Variants in GLG1 observed in about 807,000 individuals in gnomAD.
GLG1 encodes the protein golgi glycoprotein 1.
In GLG1, 38 loss-of-function variants were observed where a neutral mutation model predicts 160.5. The observed-to-expected ratio is 0.24, with a 90% CI of 0.18 to 0.31. GLG1 has a LOEUF of 0.31. Ranked by LOEUF, GLG1 falls within the 10% of genes least tolerant of loss-of-function variation. The probability of loss-of-function intolerance (pLI) is 1.00; values close to 1 mark genes in which losing one functional copy is unlikely to be tolerated. For missense variants in GLG1, 1,373 were observed against 1,505.2 expected (o/e 0.91, Z 1.45); for synonymous variants, 644 against 543.4 (o/e 1.19, Z -2.57).
chr16:74,600,901 G>C (rs1177667064), intron 1 of GLG1, among the ~76,000 whole-genome samples: 1 of 151,918 alleles, frequency 6.6e-6, no homozygotes, highest in Non-Finnish European at 1.5e-5. Context: ...TTATATAATC[G>C]CTTCTCGATC....
At chr16:74,588,915 G>C (rs1467696401) in intron 1 of GLG1, among the ~76,000 whole-genome samples, 1 of 151,978 alleles carries the variant, frequency 6.6e-6, no homozygotes, top group East Asian at 1.9e-4. Flanking sequence ...AAGGTTGTTA[G>C]ACCAATATCC....
chr16:74,503,508 G>T, intron 4 of GLG1, 23 bp downstream of exon 4: 2 of 1,481,364 alleles, frequency 1.4e-6, no homozygotes, highest in Non-Finnish European at 1.9e-6. Context: ...CCCCTTTGTT[G>T]AAGCTAACGT....
chr16:74,573,181 G>A (rs2018885412), intron 1 of GLG1, among the ~76,000 whole-genome samples: 1 of 152,098 alleles, frequency 6.6e-6, no homozygotes, highest in Non-Finnish European at 1.5e-5. Flanking sequence ...TAAGAATAGG[G>A]TAGAATGAAG....
chr16:74,513,824 G>A (rs577560101), intron 2 of GLG1, among the ~76,000 whole-genome samples: 41 of 152,116 alleles, frequency 2.7e-4, no homozygotes, highest in Middle Eastern at 6.8e-3. Flanking sequence ...TCAGAAGGTC[G>A]GTAATAACAA....
chr16:74,559,365 G>A (rs1482769274), intron 1 of GLG1, among the ~76,000 whole-genome samples: 1 of 151,414 alleles, frequency 6.6e-6, no homozygotes, highest in African/African-American at 2.4e-5. Context: ...GATCGTTTGA[G>A]CCCAGGAGTT....
chr16:74,540,009 A>ATATT (rs1234454215), intron 1 of GLG1, among the ~76,000 whole-genome samples: 1 of 1,050 alleles, frequency 9.5e-4, no homozygotes, highest in Admixed American at 0.026. Flanking sequence ...ATATATATAT[A>ATATT]TTTTATATAT....
Position 74,453,801 on chromosome 16 carries a change from T to C in GLG1, c.3373-467A>G, listed in dbSNP as rs2014419220. Reference sequence around the variant, plus strand: ...TATCTTTTGGTTTATGCTCTTTAAATGCGTTTGCTGCCTTTCTTTAAAAAA... The same window carrying C: ...TATCTTTTGGTTTATGCTCTTTAAACGCGTTTGCTGCCTTTCTTTAAAAAA... On this transcript the variant is annotated intron_variant, in intron 25 of 25. Coordinates refer to ENST00000422840, the MANE Select transcript of GLG1 (RefSeq NM_001145667.2). Among the ~76,000 whole-genome samples, 3 of 152,216 alleles carry C rather than the reference T, an allele frequency of 2.0e-5. No individual in the cohort carries two copies. The South Asian group carries it at 6.2e-4, about 31-fold the overall frequency.
At chr16:74,484,062 C>A (rs1268953622) in intron 9 of GLG1, among the ~76,000 whole-genome samples, 1 of 151,952 alleles carries the variant, frequency 6.6e-6, no homozygotes, top group African/African-American at 2.4e-5. Context: ...TGTAGCAGTT[C>A]TTCCTTCTTC....
chr16:74,511,114 TTAACCCAAGAA>T (rs1177040932), intron 2 of GLG1, among the ~76,000 whole-genome samples: 2 of 152,116 alleles, frequency 1.3e-5, no homozygotes, highest in African/African-American at 4.8e-5. Context: ...TGACTGAACT[TTAACCCAAGAA>T]TAACGGGGAA....
At chr16:74,547,934 T>C (rs901760747) in intron 1 of GLG1, among the ~76,000 whole-genome samples, 11 of 152,150 alleles carry the variant, frequency 7.2e-5, no homozygotes, top group African/African-American at 2.4e-4. Context: ...AAATCCAAAG[T>C]TGTTTGTTTG....
intron 3 of GLG1, among the ~76,000 whole-genome samples, chr16:74,506,598 A>AAAAAAAAAAAAAAAAAAAC (rs768101788): frequency 1.1e-4 from 16 of 144,670 alleles, no homozygotes; most frequent in African/African-American, 3.2e-4. Flanking sequence ...AAAAAAAAAA[A>AAAAAAAAAAAAAAAAAAAC]AAAAAACTCA....
intron 11 of GLG1, among the ~76,000 whole-genome samples, chr16:74,479,609 T>C (rs1395888357): frequency 6.6e-6 from 1 of 152,118 alleles, no homozygotes; most frequent in African/African-American, 2.4e-5. Context: ...TTTCTAAGGA[T>C]GGATGAGAAG....
chr16:74,458,041 CA>C, intron 23 of GLG1, 47 bp from the exon 24 acceptor site: 1 of 1,596,062 alleles, frequency 6.3e-7, no homozygotes, highest in East Asian at 2.2e-5. Flanking sequence ...AGGGGAAATG[CA>C]TCAGATCTGT....
intron 2 of GLG1, among the ~76,000 whole-genome samples, chr16:74,531,898 T>G (rs974031500): frequency 1.3e-5 from 2 of 152,196 alleles, no homozygotes; most frequent in Non-Finnish European, 2.9e-5. Context: ...TAGCTGTAAC[T>G]GAAGAAAAAC....
At chr16:74,579,788 C>T (rs528171516) in intron 1 of GLG1, among the ~76,000 whole-genome samples, 4 of 148,402 alleles carry the variant, frequency 2.7e-5, no homozygotes, top group Admixed American at 1.3e-4. Context: ...AGCATGGCCA[C>T]GCACAGTGGC....
chr16:74,472,285 T>C, intron 14 of GLG1, 64 bp downstream of exon 14: 2 of 1,065,942 alleles, frequency 1.9e-6, no homozygotes, highest in Non-Finnish European at 2.9e-6. Flanking sequence ...TCTGAGATAC[T>C]CAGGGGAGAG....
intron 21 of GLG1, 108 bp from the exon 22 acceptor site, chr16:74,462,303 A>T: frequency 1.2e-6 from 1 of 817,952 alleles, no homozygotes; most frequent in Non-Finnish European, 2.0e-6. Flanking sequence ...AGAACAAGAA[A>T]AAAACAAAAA....
chr16:74,486,701 G>A (rs2015795748), intron 8 of GLG1, among the ~76,000 whole-genome samples: 1 of 152,050 alleles, frequency 6.6e-6, no homozygotes, highest in East Asian at 1.9e-4. Context: ...AAAATCAAAA[G>A]AACTGAGTTC....
chr16:74,508,665 G>A (rs1177407113), intron 3 of GLG1, among the ~76,000 whole-genome samples, 174 bp downstream of exon 3: 1 of 151,998 alleles, frequency 6.6e-6, no homozygotes, highest in Non-Finnish European at 1.5e-5. Flanking sequence ...TGTAAGCGTA[G>A]GTGGACATTA....
Sources: allele counts gnomAD v4.1 joint callset (sites outside exome capture counted in the v4.1 genomes callset), GRCh38; gene constraint gnomAD v4.1.1; transcripts MANE v1.5; gene names NCBI Gene and HGNC (gene_info 2026-07-23, HGNC 2026-07-21).